RBFOX1: variants seen among roughly 807,000 people sequenced by gnomAD.
The protein encoded by RBFOX1 is RNA binding protein fox-1 homolog 1.
In RBFOX1, 8 loss-of-function variants were observed where a neutral mutation model predicts 57.7. That is an observed-to-expected ratio of 0.14 (90% CI 0.08 to 0.25). The LOEUF is 0.25. RBFOX1 is among the 10% of genes least tolerant of loss of function. RBFOX1 has a pLI of 1.00. For missense variants in RBFOX1, 611 were observed against 548.5 expected (o/e 1.11, Z -1.14); for synonymous variants, 326 against 222.4 (o/e 1.47, Z -4.15).
chr16:5,450,223 C>T (rs984508769), intron 1 of RBFOX1, among the ~76,000 whole-genome samples: 2 of 152,314 alleles, frequency 1.3e-5, no homozygotes, highest in East Asian at 3.9e-4. Flanking sequence ...TCAATTCTGT[C>T]TCCCTCCTGA....
chr16:6,611,110 T>C (rs1458686704), intron 2 of RBFOX1, among the ~76,000 whole-genome samples: 1 of 152,076 alleles, frequency 6.6e-6, no homozygotes, highest in Admixed American at 6.6e-5. Context: ...CATAAATGGT[T>C]GGAGATGACA....
intron 2 of RBFOX1, among the ~76,000 whole-genome samples, chr16:6,482,457 C>T (rs2095386161): frequency 6.6e-6 from 1 of 152,106 alleles, no homozygotes; most frequent in African/African-American, 2.4e-5. Flanking sequence ...TTCCTATTAA[C>T]AACAGCAACA....
intron 2 of RBFOX1, among the ~76,000 whole-genome samples, chr16:6,384,836 C>T (rs1001644012): frequency 7.2e-5 from 11 of 152,216 alleles, no homozygotes; most frequent in African/African-American, 2.7e-4. Context: ...CTTGGTCAGC[C>T]TGTGATCTGG....
rs2076856466 is a variant in RBFOX1 at position 7,518,482 on chromosome 16, G to T, written c.270+93G>T. On this transcript the variant is annotated intron_variant, in intron 5 of 15. Coordinates refer to ENST00000550418, the MANE Select transcript of RBFOX1 (RefSeq NM_018723.4). ...GGGGGTGCACCCCCATCTACCCAGG[G>T]ACTCTGGGAAACAGATCAGTCCCTA... The T allele has an allele frequency of 8.7e-6, 13 of 1,494,888 alleles. No homozygotes were observed. The Middle Eastern group carries it at 1.1e-3, about 125-fold the overall frequency. 92.6% of individuals were successfully genotyped at this position (1,494,888 alleles called of 1,614,324 possible). A position where few individuals can be genotyped will look rare whatever the true frequency, so the allele number is the denominator to read the frequency against.
intron 1 of RBFOX1, among the ~76,000 whole-genome samples, chr16:5,424,712 G>A (rs1238518985): frequency 3.3e-5 from 5 of 151,832 alleles, no homozygotes; most frequent in Non-Finnish European, 7.4e-5. Flanking sequence ...CGCACGTGTG[G>A]GTTTGTTACA....
chr16:5,463,177 G>T lies in RBFOX1; in HGVS notation c.220-4039G>T, dbSNP rs144758634. Among the ~76,000 whole-genome samples the T allele has an allele frequency of 3.9e-3, 592 of 152,282 alleles. 4 individuals are homozygous for T. The highest frequency in any genetic ancestry group is 0.014 in the Middle Eastern group (4 of 294). ...CCAGGGTTGAGTTTGGAGAGTAGTA[G>T]GGAGTTTTCTCTTCCTTTATAATTC... is the stretch of plus-strand genomic sequence containing the variant. On this transcript the variant is annotated intron_variant, in intron 1 of 2. Transcript: ENST00000585867.
At chr16:5,446,450 G>T (rs1264856907) in intron 1 of RBFOX1, among the ~76,000 whole-genome samples, 1 of 152,140 alleles carries the variant, frequency 6.6e-6, no homozygotes, top group East Asian at 1.9e-4. Flanking sequence ...AATTGTGGAA[G>T]ATTCTACCTC....
At chr16:7,144,857 T>A (rs1300785232) in intron 4 of RBFOX1, among the ~76,000 whole-genome samples, 1 of 152,138 alleles carries the variant, frequency 6.6e-6, no homozygotes, top group African/African-American at 2.4e-5. Context: ...AGGTTGCCAT[T>A]TAGCAGTATT....
intron 2 of RBFOX1, among the ~76,000 whole-genome samples, chr16:6,498,660 A>G (rs1400138269): frequency 6.6e-6 from 1 of 152,216 alleles, no homozygotes; most frequent in African/African-American, 2.4e-5. Flanking sequence ...AAGGACTTCG[A>G]TAAGGGTTTC....
chr16:6,490,264 C>G (rs1240262333), intron 2 of RBFOX1, among the ~76,000 whole-genome samples: 1 of 152,180 alleles, frequency 6.6e-6, no homozygotes, highest in African/African-American at 2.4e-5. Context: ...AAAGATCTTG[C>G]AAGTACGCAA....
chr16:6,699,988 C>T (rs995387653), intron 3 of RBFOX1, among the ~76,000 whole-genome samples: 12 of 152,268 alleles, frequency 7.9e-5, no homozygotes, highest in African/African-American at 2.9e-4. Flanking sequence ...GATGAGCTAG[C>T]TGACATACAT....
intron 4 of RBFOX1, among the ~76,000 whole-genome samples, chr16:7,254,369 A>T (rs1262425994): frequency 6.6e-6 from 1 of 152,102 alleles, no homozygotes; most frequent in African/African-American, 2.4e-5. Flanking sequence ...AATCGGGTTT[A>T]TTGGATTATC....
intron 4 of RBFOX1, among the ~76,000 whole-genome samples, chr16:7,442,135 G>A (rs1327062444): frequency 2.0e-5 from 3 of 152,158 alleles, no homozygotes; most frequent in African/African-American, 7.2e-5. Flanking sequence ...GTGCTGGGCT[G>A]AACATGATGC....
At chr16:7,525,814 C>G (rs1183304837) in intron 5 of RBFOX1, among the ~76,000 whole-genome samples, 2 of 152,134 alleles carry the variant, frequency 1.3e-5, no homozygotes, top group Non-Finnish European at 2.9e-5. Context: ...TAGAATCCCA[C>G]CAATAAAGGG....
chr16:6,794,949 A>G (rs550765291), intron 3 of RBFOX1, among the ~76,000 whole-genome samples: 2 of 152,134 alleles, frequency 1.3e-5, no homozygotes, highest in African/African-American at 4.8e-5. Context: ...ATATTGAGTA[A>G]TTTTCCCTAA....
In RBFOX1 at chr16:6,248,533, G is replaced by A. The variant is rs147686585; in HGVS notation, c.-126-68462G>A. Among the ~76,000 whole-genome samples, 263 of 152,254 alleles carry A rather than the reference G, an allele frequency of 1.7e-3. 1 individual carries two copies. Among genetic ancestry groups the A allele is most frequent in the Middle Eastern group, 3.4e-3 (1 of 294 alleles). ...AGGGCAGGATGCTCATTGTCATGGC[G>A]GATGAGGTCAAGAGAGAAGGGGGAA... On this transcript the variant is annotated intron_variant, in intron 1 of 15. Coordinates refer to ENST00000550418, the MANE Select transcript of RBFOX1 (RefSeq NM_018723.4).
At chr16:6,448,943 G>T (rs903919899) in intron 2 of RBFOX1, among the ~76,000 whole-genome samples, 8 of 152,106 alleles carry the variant, frequency 5.3e-5, no homozygotes, top group African/African-American at 1.7e-4. Flanking sequence ...GAGAAAAAAG[G>T]CATACATTTT....
In RBFOX1 at chr16:7,250,882, T is replaced by G. The variant is rs2094476287; in HGVS notation, c.27+198784T>G. On this transcript the variant is annotated intron_variant, in intron 4 of 15. Coordinates refer to ENST00000550418, the MANE Select transcript of RBFOX1 (RefSeq NM_018723.4). ...ATTCTTTAAAAAAATAATAACGAATTAACTTTTTGAATTGACAAAGATGGT... is the reference window on the plus strand; with the variant it reads ...ATTCTTTAAAAAAATAATAACGAATGAACTTTTTGAATTGACAAAGATGGT... 2.0e-5 allele frequency among the ~76,000 whole-genome samples: 3 copies of G among 152,194 alleles called. No individual in the cohort carries two copies. In the South Asian group the frequency reaches 6.2e-4, roughly 32 times the overall value.
intron 2 of RBFOX1, among the ~76,000 whole-genome samples, chr16:5,589,194 G>T (rs2046928843): frequency 6.6e-6 from 1 of 152,150 alleles, no homozygotes; most frequent in Non-Finnish European, 1.5e-5. Flanking sequence ...ATCTGCACTT[G>T]GCCACATCCC....
Sources: gnomAD v4.1 joint callset for allele counts (sites outside exome capture counted in the v4.1 genomes callset) on GRCh38, gnomAD v4.1.1 for gene constraint, MANE v1.5 for transcripts, NCBI Gene and HGNC (gene_info 2026-07-23, HGNC 2026-07-21) for gene names.